Variants in MRAP2 observed in about 807,000 individuals in gnomAD.
MRAP2 encodes the protein melanocortin 2 receptor accessory protein 2.
Under a neutral mutation model 17.4 loss-of-function variants are expected in MRAP2, and 20 were observed. That is an observed-to-expected ratio of 1.15 (90% CI 0.81 to 1.67). The LOEUF (loss-of-function observed/expected upper bound fraction) is 1.67. MRAP2 is among the 40% of genes most tolerant of loss of function. MRAP2 has a pLI of 0.00. For missense variants in MRAP2, 238 were observed against 240.0 expected (o/e 0.99, Z 0.05); for synonymous variants, 96 against 88.4 (o/e 1.09, Z -0.48).
At chr6:84,076,088 G>T (rs559117764) in intron 3 of MRAP2, among the ~76,000 whole-genome samples, 2 of 151,946 alleles carry the variant, frequency 1.3e-5, no homozygotes, top group East Asian at 3.9e-4. Context: ...TTGAGATGGG[G>T]TCTCACTCTG....
At chr6:84,107,669 A>G in the MRAP2 span, among the ~76,000 whole-genome samples, 1 of 152,096 alleles carries the variant, frequency 6.6e-6, no homozygotes, top group African/African-American at 2.4e-5. Context: ...AAACTGTGAT[A>G]CAGTGCTGGA....
At chr6:84,121,733 TAAG>T in the MRAP2 span, among the ~76,000 whole-genome samples, 3 of 152,022 alleles carry the variant, frequency 2.0e-5, no homozygotes, top group Admixed American at 1.3e-4. Context: ...AAGGCAGAAA[TAAG>T]AAAATTCTTT....
At chr6:84,111,150 G>C in the MRAP2 span, among the ~76,000 whole-genome samples, 1 of 152,104 alleles carries the variant, frequency 6.6e-6, no homozygotes, top group Non-Finnish European at 1.5e-5. Context: ...GAAAGTCAGT[G>C]GTAGCTTGAT....
intron 3 of MRAP2, among the ~76,000 whole-genome samples, chr6:84,076,052 G>T (rs2099497509): frequency 6.6e-6 from 1 of 151,754 alleles, no homozygotes; most frequent in Non-Finnish European, 1.5e-5. Context: ...TATAACTTTT[G>T]TTCAGGAGTT....
At chr6:84,074,679 C>T (rs1035596716) in intron 3 of MRAP2, among the ~76,000 whole-genome samples, 17 of 152,224 alleles carry the variant, frequency 1.1e-4, no homozygotes, top group Non-Finnish European at 2.2e-4. Context: ...ATCATCTTCC[C>T]TGCATAGCCA....
chr6:84,133,553 C>A, the MRAP2 span, among the ~76,000 whole-genome samples: 1 of 152,150 alleles, frequency 6.6e-6, no homozygotes, highest in Non-Finnish European at 1.5e-5. Flanking sequence ...CCTACTCAAG[C>A]CTCAGCAACG....
intron 3 of MRAP2, among the ~76,000 whole-genome samples, chr6:84,085,261 G>A (rs958687073): frequency 1.3e-5 from 2 of 151,962 alleles, no homozygotes; most frequent in Non-Finnish European, 2.9e-5. Context: ...TCACCGTGTT[G>A]GCCAGGATGG....
chr6:84,101,785 GATT>G, the MRAP2 span, among the ~76,000 whole-genome samples: 873 of 152,234 alleles, frequency 5.7e-3, 12 homozygotes, highest in African/African-American at 0.019. Flanking sequence ...AACAAAAAAT[GATT>G]ATTAGTTGAT....
At chr6:84,136,953 T>C in the MRAP2 span, among the ~76,000 whole-genome samples, 2 of 152,220 alleles carry the variant, frequency 1.3e-5, no homozygotes, top group South Asian at 2.1e-4. Context: ...AAATACTTCA[T>C]AGGAAGACAG....
chr6:84,110,889 T>C, the MRAP2 span, among the ~76,000 whole-genome samples: 8 of 152,204 alleles, frequency 5.3e-5, no homozygotes, highest in African/African-American at 1.9e-4. Context: ...TTTGTCAGGT[T>C]TATCAAAGAT....
the MRAP2 span, among the ~76,000 whole-genome samples, chr6:84,137,699 A>C: frequency 6.6e-6 from 1 of 152,214 alleles, no homozygotes; most frequent in Non-Finnish European, 1.5e-5. Context: ...CAGGGTGTGA[A>C]GAAATAAATG....
chr6:84,101,132 G>A, the MRAP2 span, among the ~76,000 whole-genome samples: 2 of 151,986 alleles, frequency 1.3e-5, no homozygotes, highest in Non-Finnish European at 2.9e-5. Context: ...CTTCATCCTT[G>A]AACTCTTGGA....
Position 84,089,856 on chromosome 6 carries a change from A to T in MRAP2, c.*375A>T. 5.5e-6 allele frequency: 1 copy of T among 180,950 alleles called. No individual in the cohort carries two copies. The highest frequency in any genetic ancestry group is 1.2e-5 in the Non-Finnish European group (1 of 86,138). The allele number at this position is 180,950 out of a possible 1,614,324, so 11.2% of individuals were successfully genotyped here. ...TTTTTAAAGCTCGTCAGCTATCGTT[A>T]GTGTTAGTGTACTTTATGTGTGGCC... is the stretch of plus-strand genomic sequence containing the variant. On this transcript the variant is annotated 3_prime_UTR_variant, in exon 4 of 4. Transcript: ENST00000257776.
At chr6:84,135,276 A>G in the MRAP2 span, among the ~76,000 whole-genome samples, 1 of 152,238 alleles carries the variant, frequency 6.6e-6, no homozygotes, top group Non-Finnish European at 1.5e-5. Context: ...TCTTTAATGA[A>G]TAAAACTGTT....
At chr6:84,129,482 T>G in the MRAP2 span, among the ~76,000 whole-genome samples, 1 of 152,252 alleles carries the variant, frequency 6.6e-6, no homozygotes, top group Non-Finnish European at 1.5e-5. Flanking sequence ...CATAAATGTC[T>G]TCTTTTGAAA....
At chr6:84,134,919 T>TACACACACAC in the MRAP2 span, among the ~76,000 whole-genome samples, 262 of 148,360 alleles carry the variant, frequency 1.8e-3, 1 homozygote, top group African/African-American at 6.1e-3. Flanking sequence ...AGATCATATA[T>TACACACACAC]ACACACACAC....
intron 1 of MRAP2, among the ~76,000 whole-genome samples, chr6:84,047,199 ATTAC>A (rs2099489262): frequency 2.0e-5 from 3 of 151,830 alleles, no homozygotes; most frequent in Non-Finnish European, 2.9e-5. Flanking sequence ...TAATTAATTA[ATTAC>A]TTTTTGAGAC....
the MRAP2 span, among the ~76,000 whole-genome samples, chr6:84,111,677 G>T: frequency 6.6e-6 from 1 of 152,176 alleles, no homozygotes; most frequent in Non-Finnish European, 1.5e-5. Context: ...TCCCTGTCTT[G>T]TGCCAGTTTT....
At chr6:84,065,149 G>A (rs748964114) in intron 3 of MRAP2, among the ~76,000 whole-genome samples, 3 of 152,102 alleles carry the variant, frequency 2.0e-5, no homozygotes, top group African/African-American at 2.4e-5. Context: ...GCCGGGCATG[G>A]TGGTGCACAC....
Sources: allele counts gnomAD v4.1 joint callset (sites outside exome capture counted in the v4.1 genomes callset), GRCh38; gene constraint gnomAD v4.1.1; transcripts MANE v1.5; gene names NCBI Gene and HGNC (gene_info 2026-07-23, HGNC 2026-07-21).